The following ADCK5 variants were observed in gnomAD, a reference collection of about 807,000 sequenced individuals.
The protein encoded by ADCK5 is uncharacterized aarF domain-containing protein kinase 5.
A neutral mutation model predicts 64.9 loss-of-function variants in ADCK5; 43 were observed. The ratio of observed to expected loss-of-function variants is 0.66; its 90% CI spans 0.52 to 0.85. ADCK5 has a LOEUF of 0.85. Among genes scored for constraint, ADCK5 ranks in the 40% least tolerant of loss-of-function variants. The pLI is 0.00. For synonymous variants in ADCK5, 434 were observed against 342.8 expected (o/e 1.27, Z -2.94); for missense variants, 760 against 810.5 (o/e 0.94, Z 0.76).
In ADCK5 at chr8:144,392,797, C is replaced by G. The variant is rs782758682; in HGVS notation, c.1542C>G (p.Arg514=). ...GCAGGGCTGTCCGGGGCTGGAGCCG[C>G]CTGGCGGGCGCCACGTATCGGGGTG... ...MAKRAVRGWS[R]LAGATYRGVY... is the part of the protein sequence containing the mutation. The change falls in exon 14 of 15, where the codon CGC becomes CGG. Residue 514 remains arginine, a synonymous_variant. Coordinates refer to ENST00000308860, the MANE Select transcript of ADCK5 (RefSeq NM_174922.5). 3.7e-5 allele frequency: 59 copies of G among 1,592,408 alleles called. No individual in the cohort carries two copies. The highest frequency in any genetic ancestry group is 4.9e-5 in the Non-Finnish European group (58 of 1,174,046).
Position 144,384,503 on chromosome 8 carries a change from T to A in ADCK5, c.266+1273T>A, listed in dbSNP as rs1819824319. Among the ~76,000 whole-genome samples, 1 of 152,226 alleles carries A rather than the reference T, an allele frequency of 6.6e-6. No homozygotes were observed. Among genetic ancestry groups the A allele is most frequent in the Admixed American group, 6.5e-5 (1 of 15,286 alleles). ...TTTTGCTTGGAGTTCCTGCTGTCCC[T>A]GCCTGCAGATTTTGGGTGGCATTGT... On this transcript the variant is annotated intron_variant, in intron 3 of 14. Transcript: ENST00000308860. The surrounding 1 kb of genome is among the most constrained non-coding windows in gnomAD (Gnocchi z 5.7).
intron 2 of ADCK5, among the ~76,000 whole-genome samples, chr8:144,380,368 A>G (rs1294298387): frequency 1.3e-5 from 2 of 152,106 alleles, no homozygotes; most frequent in Non-Finnish European, 1.5e-5. Context: ...ATGTGTGCTC[A>G]GGCACCTGCC....
At position 144,387,513 on chromosome 8, in the gene ADCK5, A is replaced by AGCCCCAGTC. The variant is rs535846817; in HGVS notation, c.267-3157_267-3149dup. On this transcript the variant is annotated intron_variant, in intron 3 of 14. Transcript: ENST00000308860. Reference sequence around the variant, plus strand: ...CCTCCTGGGTTCAAGCAATTCTCCCAGCCCCAGTCTCCCCAGTAGCTGGGA... The same window carrying AGCCCCAGTC: ...CCTCCTGGGTTCAAGCAATTCTCCCAGCCCCAGTCGCCCCAGTCTCCCCAGTAGCTGGGA... Among the ~76,000 whole-genome samples, 679 of 152,170 alleles carry AGCCCCAGTC rather than the reference A, an allele frequency of 4.5e-3. 6 individuals carry two copies. Among genetic ancestry groups the AGCCCCAGTC allele is most frequent in the Middle Eastern group, 0.014 (4 of 294 alleles).
At chr8:144,391,328 C>T (rs1554860472) in intron 6 of ADCK5, 33 bp from the exon 7 acceptor site, 1 of 1,612,392 alleles carries the variant, frequency 6.2e-7, no homozygotes, top group South Asian at 1.1e-5. Flanking sequence ...ACAGTGGGGC[C>T]CCAAGTTCTC....
Position 144,392,983 on chromosome 8 carries a change from C to A in ADCK5, c.1652C>A (p.Ala551Asp). The A allele has an allele frequency of 6.3e-7, 1 of 1,588,444 alleles. No homozygotes were observed. The highest frequency in any genetic ancestry group is 2.3e-5 in the East Asian group (1 of 44,014). Reference protein sequence around the residue: ...FEVALRLETLAMRLTALLARA... With the variant: ...FEVALRLETLDMRLTALLARA... Reference sequence around the variant, plus strand: ...GACCCACGCAGGCTGGAGACCTTGGCCATGCGGCTGACCGCCCTCCTGGCT... The same window carrying A: ...GACCCACGCAGGCTGGAGACCTTGGACATGCGGCTGACCGCCCTCCTGGCT... Residue 551 changes from alanine to aspartate, a missense_variant, in exon 15 of 15, where the codon GCC (alanine) becomes GAC (aspartate). Physicochemically the swap from Ala to Asp is moderately radical, Grantham distance 126. Coordinates refer to ENST00000308860, the MANE Select transcript of ADCK5 (RefSeq NM_174922.5).
chr8:144,379,716 C>G (rs1362244326), intron 2 of ADCK5, among the ~76,000 whole-genome samples: 1 of 152,228 alleles, frequency 6.6e-6, no homozygotes, highest in Non-Finnish European at 1.5e-5. Flanking sequence ...GCATTTAGAG[C>G]AGACAGCTAG....
chr8:144,392,990 G>A lies in ADCK5; in HGVS notation c.1659G>A (p.Arg553=), dbSNP rs1160422813. ...GCAGGCTGGAGACCTTGGCCATGCG[G>A]CTGACCGCCCTCCTGGCTCGTGCTC... The part of the protein sequence containing the change: ...VALRLETLAM[R]LTALLARALV... Residue 553 remains arginine, a synonymous_variant, in exon 15 of 15, where the codon CGG becomes CGA. Transcript: ENST00000308860. 2.5e-6 allele frequency: 4 copies of A among 1,588,284 alleles called. No homozygotes were observed. Among genetic ancestry groups the A allele is most frequent in the Admixed American group, 1.8e-5 (1 of 56,826 alleles).
chr8:144,387,845 C>T (rs1458689491), intron 3 of ADCK5, among the ~76,000 whole-genome samples: 2 of 151,132 alleles, frequency 1.3e-5, no homozygotes, highest in African/African-American at 2.4e-5. Flanking sequence ...GATTCTCCTG[C>T]CTCAGCCTCC....
Position 144,374,069 on chromosome 8 carries a change from G to C in ADCK5, c.-27G>C, listed in dbSNP as rs1205301491. On this transcript the variant is annotated 5_prime_UTR_variant, in exon 1 of 15. Coordinates refer to ENST00000308860, the MANE Select transcript of ADCK5 (RefSeq NM_174922.5). ...TGCGAGACGCTAAGCGGCGCCGGGC[G>C]GGAGAAGAGCGGAGCAGTGGTCGGA... is the stretch of plus-strand genomic sequence containing the variant. 8.0e-7 allele frequency: 1 copy of C among 1,246,598 alleles called. No individual in the cohort carries two copies. The highest frequency in any genetic ancestry group is 1.5e-5 in the African/African-American group (1 of 64,612). The allele number at this position is 1,246,598 out of a possible 1,614,324, so 77.2% of individuals were successfully genotyped here.
chr8:144,383,529 G>A (rs977835019), intron 3 of ADCK5, among the ~76,000 whole-genome samples: 1 of 152,148 alleles, frequency 6.6e-6, no homozygotes, highest in South Asian at 2.1e-4. Context: ...GTGGGGAGGC[G>A]CTCCAGCCCT....
intron 3 of ADCK5, 82 bp downstream of exon 3, chr8:144,383,312 T>G: frequency 6.9e-7 from 1 of 1,445,918 alleles, no homozygotes; most frequent in Non-Finnish European, 9.1e-7. Flanking sequence ...TCCAGATGCC[T>G]TCACAGACGA....
chr8:144,389,698 A>C (rs1388159597), intron 3 of ADCK5, among the ~76,000 whole-genome samples: 1 of 151,634 alleles, frequency 6.6e-6, no homozygotes, highest in Non-Finnish European at 1.5e-5. Context: ...TGCCCAGCTA[A>C]TTTTTGTATT....
intron 3 of ADCK5, among the ~76,000 whole-genome samples, chr8:144,383,696 G>A (rs1280807017): frequency 3.3e-5 from 5 of 152,168 alleles, no homozygotes; most frequent in Admixed American, 2.0e-4. Context: ...TTGCTGTCAG[G>A]GCCCTTTCTT....
chr8:144,392,417 C>CCGCCCGG, intron 12 of ADCK5, 28 bp from the exon 13 acceptor site: 1 of 1,325,706 alleles, frequency 7.5e-7, no homozygotes, highest in Non-Finnish European at 9.8e-7. Context: ...TCAGAGCCCC[C>CCGCCCGG]TCCCTCCCTC....
At chr8:144,378,356 G>A (rs1323102635) in intron 1 of ADCK5, among the ~76,000 whole-genome samples, 1 of 152,076 alleles carries the variant, frequency 6.6e-6, no homozygotes, top group African/African-American at 2.4e-5. Context: ...TGGTCATGGG[G>A]GCAGATTCCC....
At chr8:144,378,048 G>C (rs1819443780) in intron 1 of ADCK5, among the ~76,000 whole-genome samples, 1 of 152,238 alleles carries the variant, frequency 6.6e-6, no homozygotes, top group Admixed American at 6.5e-5. Flanking sequence ...AGACTGAGGG[G>C]ACATTCAGAG....
chr8:144,374,057 G>T lies in ADCK5; in HGVS notation c.-39G>T. 8.0e-7 allele frequency: 1 copy of T among 1,245,424 alleles called. No homozygotes were observed. The highest frequency in any genetic ancestry group is 2.2e-4 in the Middle Eastern group (1 of 4,610). 77.1% of individuals were successfully genotyped at this position (1,245,424 alleles called of 1,614,324 possible). Reference sequence around the variant, plus strand: ...GGCCTGCTGGGCTGCGAGACGCTAAGCGGCGCCGGGCGGGAGAAGAGCGGA... The same window carrying T: ...GGCCTGCTGGGCTGCGAGACGCTAATCGGCGCCGGGCGGGAGAAGAGCGGA... On this transcript the variant is annotated 5_prime_UTR_variant, in exon 1 of 15. Coordinates refer to ENST00000308860, the MANE Select transcript of ADCK5 (RefSeq NM_174922.5).
In ADCK5 at chr8:144,376,055, G is replaced by A. The variant is rs538174461; in HGVS notation, c.12+1948G>A. The stretch of plus-strand genomic sequence containing the variant: ...CAACCCATAACCTCTCTGGGCCTTG[G>A]GGACCTCTCCTGTGTGATGGGAATT... On this transcript the variant is annotated intron_variant, in intron 1 of 14. Coordinates refer to ENST00000308860, the MANE Select transcript of ADCK5 (RefSeq NM_174922.5). This position sits in a 1 kb window ranked among gnomAD's most constrained non-coding sequence, Gnocchi z 5.1. 3.3e-5 allele frequency among the ~76,000 whole-genome samples: 5 copies of A among 152,308 alleles called. No individual in the cohort carries two copies. The highest frequency in any genetic ancestry group is 9.6e-5 in the African/African-American group (4 of 41,560).
intron 1 of ADCK5, among the ~76,000 whole-genome samples, chr8:144,374,770 C>T (rs1046769454): frequency 6.6e-6 from 1 of 152,150 alleles, no homozygotes; most frequent in African/African-American, 2.4e-5. Flanking sequence ...CTGAGCGCCC[C>T]TGCGTCGTCT....
Sources: gnomAD v4.1 joint callset for allele counts (sites outside exome capture counted in the v4.1 genomes callset) on GRCh38, gnomAD v4.1.1 for gene constraint, Gnocchi (gnomAD v3.1) non-coding constraint, MANE v1.5 for transcripts, NCBI Gene and HGNC (gene_info 2026-07-23, HGNC 2026-07-21) for gene names.